The following AS3MT variants were observed in gnomAD, a reference collection of about 807,000 sequenced individuals.
AS3MT encodes the protein arsenite methyltransferase.
A neutral mutation model predicts 45.3 loss-of-function variants in AS3MT; 47 were observed. The ratio of observed to expected loss-of-function variants is 1.04; its 90% CI spans 0.82 to 1.32. The LOEUF (loss-of-function observed/expected upper bound fraction) is 1.32. AS3MT is among the 40% of genes most tolerant of loss of function. The probability of loss-of-function intolerance (pLI) is 0.00; values close to 1 mark genes in which losing one functional copy is unlikely to be tolerated. For synonymous variants in AS3MT, 141 were observed against 152.8 expected, an observed-to-expected ratio of 0.92 and a Z score of 0.57; for missense variants, 396 against 451.1, an observed-to-expected ratio of 0.88 and a Z score of 1.11.
chr10:102,888,873 A>ATTTTTTTTT (rs1416621656), intron 9 of AS3MT, among the ~76,000 whole-genome samples: 4 of 62,320 alleles, frequency 6.4e-5, no homozygotes, highest in East Asian at 1.3e-3. Context: ...ATATATATAT[A>ATTTTTTTTT]TATATATATT....
intron 9 of AS3MT, among the ~76,000 whole-genome samples, chr10:102,882,358 T>G (rs933543823): frequency 6.6e-6 from 1 of 152,034 alleles, no homozygotes; most frequent in Non-Finnish European, 1.5e-5. Flanking sequence ...CTGATTTTTT[T>G]GGTCTAAATA....
intron 10 of AS3MT, among the ~76,000 whole-genome samples, chr10:102,897,603 C>T (rs11191452): frequency 6.6e-6 from 1 of 151,742 alleles, no homozygotes; most frequent in African/African-American, 2.4e-5. Context: ...GTAGCTGGGA[C>T]TACAGGCACA....
At chr10:102,893,206 G>A (rs1467751948) in intron 10 of AS3MT, among the ~76,000 whole-genome samples, 1 of 151,898 alleles carries the variant, frequency 6.6e-6, no homozygotes, top group East Asian at 1.9e-4. Flanking sequence ...TTAAAGATAA[G>A]TCAATTTTTT....
chr10:102,870,141 A>G lies in AS3MT; in HGVS notation c.100A>G (p.Thr34Ala), dbSNP rs1373736285. Residue 34 changes from threonine to alanine, a missense_variant, in exon 3 of 11, where the codon ACC (threonine) becomes GCC (alanine). Transcript: ENST00000369880. ...AGACCTCCAGACCAACGGCTGTGTC[A>G]CCACAGCCAGGCCGGTCCCCAAGCA... ...SADLQTNGCV[T>A]TARPVPKHIR... The G allele has an allele frequency of 6.2e-7, 1 of 1,614,082 alleles. No homozygotes were observed.
rs1205425498 is a variant in AS3MT at position 102,876,908 on chromosome 10, T to G, written c.529-46T>G. 2.6e-6 allele frequency: 4 copies of G among 1,565,038 alleles called. No individual in the cohort carries two copies. In the Admixed American group the frequency reaches 6.7e-5, roughly 26 times the overall value. The stretch of plus-strand genomic sequence containing the variant: ...TCCTTTCTTTGTTATGTGGGGTCAA[T>G]GTAATCATTAATCATCTTGTTTGGA... On this transcript the variant is annotated intron_variant, in intron 6 of 10. Coordinates refer to ENST00000369880, the MANE Select transcript of AS3MT (RefSeq NM_020682.4).
chr10:102,896,938 T>C (rs183219053), intron 10 of AS3MT, among the ~76,000 whole-genome samples: 12 of 152,342 alleles, frequency 7.9e-5, no homozygotes, highest in African/African-American at 2.6e-4. Context: ...TTTTGAGTAT[T>C]CAATCCATTA....
At chr10:102,895,437 A>G (rs760354162) in intron 10 of AS3MT, among the ~76,000 whole-genome samples, 1 of 151,950 alleles carries the variant, frequency 6.6e-6, no homozygotes, top group Non-Finnish European at 1.5e-5. Flanking sequence ...CTGACATCAG[A>G]TGATCCACCA....
At chr10:102,897,155 C>T (rs936723291) in intron 10 of AS3MT, among the ~76,000 whole-genome samples, 2 of 152,058 alleles carry the variant, frequency 1.3e-5, no homozygotes, top group East Asian at 2.0e-4. Flanking sequence ...GAGGCCGAGG[C>T]GGGTGGATCA....
intron 2 of AS3MT, 105 bp downstream of exon 2, chr10:102,869,950 A>C (rs1461369819): frequency 6.4e-7 from 1 of 1,570,538 alleles, no homozygotes; most frequent in African/African-American, 1.3e-5. Flanking sequence ...GGGGTAGGGC[A>C]GGGTCTAGGC....
At chr10:102,878,644 C>A in intron 8 of AS3MT, 134 bp downstream of exon 8, 1 of 1,380,648 alleles carries the variant, frequency 7.2e-7, no homozygotes, top group Non-Finnish European at 9.8e-7. Context: ...ATCTTGCCTC[C>A]TGTACAATGG....
intron 9 of AS3MT, among the ~76,000 whole-genome samples, chr10:102,883,580 G>A (rs947272865): frequency 1.3e-5 from 2 of 151,976 alleles, no homozygotes; most frequent in African/African-American, 4.8e-5. Context: ...GGGCGTGGTG[G>A]CGTGTGCCTG....
intron 10 of AS3MT, among the ~76,000 whole-genome samples, chr10:102,893,167 C>G (rs1250201745): frequency 1.3e-5 from 2 of 151,258 alleles, no homozygotes; most frequent in African/African-American, 2.4e-5. Context: ...TAACTAAAAC[C>G]AAGATTACAG....
rs186384279 is a variant in AS3MT, at chr10:102,871,269, G to A, written c.170+1058G>A. 1.8e-4 allele frequency among the ~76,000 whole-genome samples: 27 copies of A among 151,122 alleles called. No individual in the cohort carries two copies. The East Asian group carries it at 4.4e-3, about 24-fold the overall frequency. On this transcript the variant is annotated intron_variant, in intron 3 of 10. Coordinates refer to ENST00000369880, the MANE Select transcript of AS3MT (RefSeq NM_020682.4). ...AACAAAACAAAACAAAAAAAAGGCC[G>A]GGGGTGGTGGCTTATGTCTGTAATC... is the stretch of plus-strand genomic sequence containing the variant.
At chr10:102,870,513 T>C (rs1844661075) in intron 3 of AS3MT, among the ~76,000 whole-genome samples, 2 of 152,122 alleles carry the variant, frequency 1.3e-5, no homozygotes, top group Middle Eastern at 3.4e-3. Context: ...GCACTCCAGC[T>C]TGGTCAACAT....
chr10:102,897,031 T>C (rs1845184757), intron 10 of AS3MT, among the ~76,000 whole-genome samples: 1 of 152,156 alleles, frequency 6.6e-6, no homozygotes, highest in Non-Finnish European at 1.5e-5. Flanking sequence ...AATCAATATT[T>C]ATTTTAAAAG....
chr10:102,870,224 G>A lies in AS3MT; in HGVS notation c.170+13G>A, dbSNP rs1174486243. On this transcript the variant is annotated intron_variant, in intron 3 of 10. Transcript: ENST00000369880. Reference sequence around the variant, plus strand: ...AAGTAGCCCTAAGGTAGAGTGCCCTGTGCTGTCCCCAGGAAGACCCCAAAC... The same window carrying A: ...AAGTAGCCCTAAGGTAGAGTGCCCTATGCTGTCCCCAGGAAGACCCCAAAC... 6.2e-7 allele frequency: 1 copy of A among 1,614,108 alleles called. No individual in the cohort carries two copies.
At position 102,878,366 on chromosome 10, in the gene AS3MT, GT is replaced by G; in HGVS notation, c.611-10del. Reference sequence around the variant, plus strand: ...GGCTGGTCTGTGGTTTTTTGTTGTTGTTTGTTTTTTAGGTGAGTGTCTGGGT... The same window carrying G: ...GGCTGGTCTGTGGTTTTTTGTTGTTGTTGTTTTTTAGGTGAGTGTCTGGGT... On this transcript the variant is annotated splice_polypyrimidine_tract_variant and intron_variant, in intron 7 of 10. Transcript: ENST00000369880. 2 of 1,609,830 alleles carry G rather than the reference GT, an allele frequency of 1.2e-6. No individual in the cohort carries two copies. The highest frequency in any genetic ancestry group is 2.2e-5 in the South Asian group (2 of 90,782).
At position 102,881,870 on chromosome 10, in the gene AS3MT, G is replaced by A. The variant is rs1025519193; in HGVS notation, c.885+2879G>A. 6.6e-6 allele frequency among the ~76,000 whole-genome samples: 1 copy of A among 150,922 alleles called. No homozygotes were observed. Among genetic ancestry groups the A allele is most frequent in the Admixed American group, 6.6e-5 (1 of 15,168 alleles). On this transcript the variant is annotated intron_variant, in intron 9 of 10. Coordinates refer to ENST00000369880, the MANE Select transcript of AS3MT (RefSeq NM_020682.4). This position sits in a 1 kb window ranked among gnomAD's most constrained non-coding sequence, Gnocchi z 4.2. ...CCCATCTCAGCCTCCCAAGTAGCTG[G>A]GACTACAGGCATGTGTCACCATGCC...
At position 102,890,651 on chromosome 10, in the gene AS3MT, T is replaced by C; in HGVS notation, c.993T>C (p.Ser331=). 1 of 1,613,420 alleles carries C rather than the reference T, an allele frequency of 6.2e-7. No individual in the cohort carries two copies. Among genetic ancestry groups the C allele is most frequent in the Non-Finnish European group, 8.5e-7 (1 of 1,179,782 alleles). The change falls in exon 10 of 11, where the codon TCT becomes TCC. Residue 331 remains serine, a synonymous_variant. Transcript: ENST00000369880. The part of the protein sequence containing the change: ...IRPIGEKLPT[S]GGCSALELKD... ...CAATTGGAGAGAAGTTGCCAACATC[T>C]GGAGGCTGTTCTGCTTTGGAGTTAA... is the stretch of plus-strand genomic sequence containing the variant.
Sources: allele counts gnomAD v4.1 joint callset (sites outside exome capture counted in the v4.1 genomes callset), GRCh38; gene constraint gnomAD v4.1.1; non-coding constraint Gnocchi (gnomAD v3.1); transcripts MANE v1.5; gene names NCBI Gene and HGNC (gene_info 2026-07-23, HGNC 2026-07-21).